The following CD163L1 variants were observed in gnomAD, a reference collection of about 807,000 sequenced individuals.
The protein encoded by CD163L1 is scavenger receptor cysteine-rich type 1 protein M160.
A neutral mutation model predicts 165.4 loss-of-function variants in CD163L1; 124 were observed. That is an observed-to-expected ratio of 0.75 (90% confidence interval 0.65 to 0.87). CD163L1 has a LOEUF of 0.87. Ranked by LOEUF, CD163L1 falls within the 40% of genes least tolerant of loss-of-function variation. The pLI is 0.00. For synonymous variants in CD163L1, 585 were observed against 662.2 expected, an observed-to-expected ratio of 0.88 and a Z score of 1.79; for missense variants, 1,525 against 1,799.9, an observed-to-expected ratio of 0.85 and a Z score of 2.76.
intron 14 of CD163L1, among the ~76,000 whole-genome samples, chr12:7,370,704 G>A (rs182258925): frequency 8.6e-5 from 13 of 152,012 alleles, no homozygotes; most frequent in South Asian, 2.1e-4. Context: ...TCCAGTTACC[G>A]TGTTAACTCT....
downstream of CD163L1, among the ~76,000 whole-genome samples, chr12:7,352,618 G>C (rs866565472): frequency 1.3e-5 from 2 of 152,088 alleles, no homozygotes; most frequent in African/African-American, 4.8e-5. Flanking sequence ...CAGTGTGTTC[G>C]GGTGCAATAT....
chr12:7,415,825 T>C (rs748525987), intron 4 of CD163L1, among the ~76,000 whole-genome samples: 10 of 152,342 alleles, frequency 6.6e-5, no homozygotes, highest in South Asian at 6.2e-4. Context: ...CAGTCTATCA[T>C]TGATGGGCAT....
chr12:7,441,401 A>G (rs750114850), intron 1 of CD163L1, among the ~76,000 whole-genome samples, 155 bp from the exon 2 acceptor site: 11 of 152,328 alleles, frequency 7.2e-5, no homozygotes, highest in Admixed American at 7.2e-4. Context: ...TTTTCCCAGG[A>G]AAAGCCACAG....
chr12:7,423,027 T>C (rs1453024844), intron 4 of CD163L1, among the ~76,000 whole-genome samples: 1 of 152,026 alleles, frequency 6.6e-6, no homozygotes, highest in Non-Finnish European at 1.5e-5. Flanking sequence ...AGAATATACA[T>C]TTTTCTCAGC....
rs1946953571 is a variant in CD163L1 at position 7,363,708 on chromosome 12, C to T, written c.4279+3528G>A. Among the ~76,000 whole-genome samples the T allele has an allele frequency of 3.3e-5, 5 of 150,972 alleles. No individual in the cohort carries two copies. The South Asian group carries it at 1.0e-3, about 31-fold the overall frequency. On this transcript the variant is annotated intron_variant, in intron 18 of 19. Coordinates refer to ENST00000313599, the MANE Select transcript of CD163L1 (RefSeq NM_174941.6). Reference sequence around the variant, plus strand: ...GATATATTTCTAGTCATATACAAACCTACCAACACCGTGCCATGAAAAAAT... The same window carrying T: ...GATATATTTCTAGTCATATACAAACTTACCAACACCGTGCCATGAAAAAAT...
intron 2 of CD163L1, chr12:7,440,093 A>T: frequency 5.4e-6 from 5 of 929,706 alleles, no homozygotes; most frequent in Non-Finnish European, 6.7e-6. Context: ...GCGTAACGGA[A>T]GCCGACCAAT....
At chr12:7,348,941 G>A (rs1946690010) in intron 4 of CD163L1, among the ~76,000 whole-genome samples, 1 of 151,524 alleles carries the variant, frequency 6.6e-6, no homozygotes, top group Admixed American at 6.6e-5. Context: ...TCAGCACTTT[G>A]GGAGGTCAAG....
At chr12:7,434,688 G>C (rs2136638144) in intron 2 of CD163L1, among the ~76,000 whole-genome samples, 1 of 150,172 alleles carries the variant, frequency 6.7e-6, no homozygotes, top group African/African-American at 2.5e-5. Context: ...GAAAAAGAAG[G>C]AGAGAGGAAG....
At chr12:7,344,520 T>C (rs1191549588), downstream of CD163L1, among the ~76,000 whole-genome samples, 1 of 152,226 alleles carries the variant, frequency 6.6e-6, no homozygotes, top group Non-Finnish European at 1.5e-5. Context: ...ATGCTGAGAT[T>C]GAAAACTGCT....
chr12:7,432,588 A>G lies in CD163L1; in HGVS notation c.594T>C (p.Cys198=), dbSNP rs765747821. The change falls in exon 4 of 20, where the codon TGT becomes TGC. Residue 198 remains cysteine, a synonymous_variant. Coordinates refer to ENST00000313599, the MANE Select transcript of CD163L1 (RefSeq NM_174941.6). This position sits in a 1 kb window ranked among gnomAD's most constrained non-coding sequence, Gnocchi z 4.2. ...TAAVVCRQLG[C]PSSFISSGVV... ...CTCCAGAAGAAATAAAAGAAGATGG[A>G]CATCCTAGTTGCCTGCACACCACGG... 1 of 1,614,204 alleles carries G rather than the reference A, an allele frequency of 6.2e-7. No individual in the cohort carries two copies. Among genetic ancestry groups the G allele is most frequent in the Non-Finnish European group, 8.5e-7 (1 of 1,180,034 alleles).
chr12:7,399,058 A>G (rs1489934443), intron 6 of CD163L1, among the ~76,000 whole-genome samples: 1 of 152,214 alleles, frequency 6.6e-6, no homozygotes, highest in Non-Finnish European at 1.5e-5. Flanking sequence ...TTCATAAAAT[A>G]AATTCCTTTT....
At chr12:7,443,805 C>A (rs1260171604) in intron 1 of CD163L1, among the ~76,000 whole-genome samples, 10 of 152,108 alleles carry the variant, frequency 6.6e-5, no homozygotes, top group African/African-American at 2.4e-5. Flanking sequence ...TCTAATTTAT[C>A]CCTTCTTTCT....
rs745859601 is a variant in CD163L1, at chr12:7,429,006, T to C, written c.766+3410A>G. On this transcript the variant is annotated intron_variant, in intron 4 of 19. Coordinates refer to ENST00000313599, the MANE Select transcript of CD163L1 (RefSeq NM_174941.6). ...ACTGACTTTTAAAAATGTAATTATA[T>C]ATACAATATTGTGTTATGTGCCAAA... Among the ~76,000 whole-genome samples, 154 of 152,190 alleles carry C rather than the reference T, an allele frequency of 1.0e-3. 1 individual carries two copies. The highest frequency in any genetic ancestry group is 3.5e-3 in the African/African-American group (146 of 41,572).
At chr12:7,404,503 CTTCT>C (rs1441233200) in intron 5 of CD163L1, among the ~76,000 whole-genome samples, 2 of 152,184 alleles carry the variant, frequency 1.3e-5, no homozygotes, top group African/African-American at 2.4e-5. Flanking sequence ...CATCACGTTA[CTTCT>C]TTGTGTTCCT....
chr12:7,427,995 A>G (rs1470595765), intron 4 of CD163L1, among the ~76,000 whole-genome samples: 1 of 152,150 alleles, frequency 6.6e-6, no homozygotes, highest in Non-Finnish European at 1.5e-5. Flanking sequence ...TTGCAAAACA[A>G]TAATTTGAAG....
At chr12:7,441,003 G>T in intron 2 of CD163L1, 151 bp downstream of exon 2, 1 of 546,856 alleles carries the variant, frequency 1.8e-6, no homozygotes, top group Non-Finnish European at 3.3e-6. Context: ...AAAATAATTT[G>T]GACACCTTTA....
chr12:7,436,273 A>G (rs1384247356), intron 2 of CD163L1, among the ~76,000 whole-genome samples: 1 of 152,242 alleles, frequency 6.6e-6, no homozygotes, highest in East Asian at 1.9e-4. Flanking sequence ...ATATAACATT[A>G]AACAGCGAGA....
chr12:7,323,248 C>G, the CD163L1 span: 1 of 1,609,082 alleles, frequency 6.2e-7, no homozygotes. Flanking sequence ...TGATTTGTGC[C>G]AATCAGAAAG....
intron 8 of CD163L1, among the ~76,000 whole-genome samples, chr12:7,382,949 T>C (rs1445510253): frequency 1.3e-5 from 2 of 152,072 alleles, no homozygotes; most frequent in Non-Finnish European, 2.9e-5. Flanking sequence ...GGGAAATGGG[T>C]AGTTCACAGA....
Sources: allele counts gnomAD v4.1 joint callset (sites outside exome capture counted in the v4.1 genomes callset), GRCh38; gene constraint gnomAD v4.1.1; non-coding constraint Gnocchi (gnomAD v3.1); transcripts MANE v1.5; gene names NCBI Gene and HGNC (gene_info 2026-07-23, HGNC 2026-07-21).